COL27A1: variants seen among roughly 807,000 people sequenced by gnomAD.
COL27A1 encodes collagen type XXVII alpha 1 chain.
A neutral mutation model predicts 251.3 loss-of-function variants in COL27A1; 106 were observed. That is an observed-to-expected ratio of 0.42 (90% CI 0.36 to 0.50). The LOEUF (loss-of-function observed/expected upper bound fraction) is 0.50, where lower values mean the gene tolerates loss of function less well. COL27A1 is among the 20% of genes least tolerant of loss of function. The pLI, the probability that COL27A1 is intolerant of heterozygous loss-of-function variation, is 0.00. For synonymous variants in COL27A1, 1,000 were observed against 986.3 expected, an observed-to-expected ratio of 1.01 and a Z score of -0.26; for missense variants, 2,325 against 2,522.8, an observed-to-expected ratio of 0.92 and a Z score of 1.68.
intron 26 of COL27A1, 111 bp downstream of exon 26, chr9:114,252,757 C>A (rs1748863831): frequency 7.1e-7 from 1 of 1,411,756 alleles, no homozygotes; most frequent in Non-Finnish European, 1.0e-6. Flanking sequence ...CCAGCTCCCT[C>A]TTTGTCCAGG....
intron 5 of COL27A1, 130 bp downstream of exon 5, chr9:114,183,205 C>T: frequency 2.3e-6 from 2 of 853,912 alleles, no homozygotes; most frequent in Non-Finnish European, 3.8e-6. Context: ...AAGCCAGGGG[C>T]ACCCTCTGGG....
intron 27 of COL27A1, among the ~76,000 whole-genome samples, chr9:114,254,747 C>G (rs1833811032): frequency 6.6e-6 from 1 of 152,220 alleles, no homozygotes; most frequent in African/African-American, 2.4e-5. Flanking sequence ...AAGGCCAACT[C>G]AGCTCCTACA....
intron 15 of COL27A1, among the ~76,000 whole-genome samples, chr9:114,231,526 G>A (rs1353154289): frequency 6.6e-6 from 1 of 152,120 alleles, no homozygotes; most frequent in African/African-American, 2.4e-5. Context: ...ACATCCCAGG[G>A]GCGACCAAAT....
intron 22 of COL27A1, among the ~76,000 whole-genome samples, chr9:114,243,135 C>T (rs1039881328): frequency 3.3e-5 from 5 of 152,306 alleles, no homozygotes; most frequent in African/African-American, 9.6e-5. Flanking sequence ...AAAGGGCCTC[C>T]GGGACCCCTG....
chr9:114,263,428 C>G (rs1459085426), intron 28 of COL27A1, among the ~76,000 whole-genome samples: 1 of 152,084 alleles, frequency 6.6e-6, no homozygotes, highest in African/African-American at 2.4e-5. Context: ...CCTGTCCTCC[C>G]AACACAGACT....
chr9:114,265,521 C>T, intron 32 of COL27A1, 46 bp downstream of exon 32: 3 of 1,589,754 alleles, frequency 1.9e-6, no homozygotes, highest in East Asian at 2.2e-5. Context: ...CCGCTGGCAC[C>T]TGGGGGTGTG....
chr9:114,157,491 C>T (rs1848201738), intron 1 of COL27A1, among the ~76,000 whole-genome samples: 1 of 152,250 alleles, frequency 6.6e-6, no homozygotes, highest in Non-Finnish European at 1.5e-5. Context: ...AACATTCTCC[C>T]TCTCCTGTGC....
At chr9:114,171,125 C>T (rs997429056) in intron 3 of COL27A1, among the ~76,000 whole-genome samples, 5 of 152,158 alleles carry the variant, frequency 3.3e-5, no homozygotes, top group African/African-American at 9.7e-5. Context: ...CAGCAGGAAG[C>T]GAGGCCTCCT....
intron 5 of COL27A1, among the ~76,000 whole-genome samples, chr9:114,184,015 T>A (rs1023978765): frequency 1.3e-5 from 2 of 151,942 alleles, no homozygotes; most frequent in Non-Finnish European, 2.9e-5. Context: ...AACATTTAGG[T>A]CATGGGAAAA....
chr9:114,240,138 G>T, intron 19 of COL27A1, 82 bp from the exon 20 acceptor site: 2 of 1,261,482 alleles, frequency 1.6e-6, no homozygotes, highest in South Asian at 2.4e-5. Context: ...ATGGAAACCC[G>T]GTCAGTCTCC....
At chr9:114,262,677 C>T (rs1158979230) in intron 28 of COL27A1, among the ~76,000 whole-genome samples, 1 of 152,212 alleles carries the variant, frequency 6.6e-6, no homozygotes, top group Non-Finnish European at 1.5e-5. Flanking sequence ...TCACTTGTCC[C>T]CAGACACATT....
chr9:114,243,306 C>G (rs1290623147), intron 22 of COL27A1, among the ~76,000 whole-genome samples: 1 of 152,186 alleles, frequency 6.6e-6, no homozygotes, highest in Non-Finnish European at 1.5e-5. Context: ...GGGAGGCTTC[C>G]CTGAGTTCAC....
rs995410368 is a variant in COL27A1 at position 114,300,403 on chromosome 9, A to G, written c.4639-222A>G. On this transcript the variant is annotated intron_variant, in intron 50 of 60. Coordinates refer to ENST00000356083, the MANE Select transcript of COL27A1 (RefSeq NM_032888.4). ...AGCAATGACAGTAGAAGACTGTTGC[A>G]AAAATAAAGACCAGGGGCATATGCC... 4 of 577,430 alleles carry G rather than the reference A, an allele frequency of 6.9e-6. No individual in the cohort carries two copies. In the African/African-American group the frequency reaches 7.5e-5, roughly 11 times the overall value. 35.8% of individuals were successfully genotyped at this position (577,430 alleles called of 1,614,324 possible).
chr9:114,180,650 G>A (rs997818669), intron 4 of COL27A1, among the ~76,000 whole-genome samples: 6 of 152,168 alleles, frequency 3.9e-5, no homozygotes, highest in Admixed American at 1.3e-4. Flanking sequence ...ACCTGAGGTC[G>A]CCCAAAGCTC....
chr9:114,303,036 A>G (rs1828773109), intron 56 of COL27A1, among the ~76,000 whole-genome samples: 1 of 152,138 alleles, frequency 6.6e-6, no homozygotes, highest in Non-Finnish European at 1.5e-5. Flanking sequence ...TCAAAGACAG[A>G]GTGACAGCCC....
chr9:114,274,265 C>T (rs1835341488), intron 36 of COL27A1: 1 of 151,780 alleles, frequency 6.6e-6, no homozygotes, highest in Non-Finnish European at 1.5e-5. Flanking sequence ...CCAAGGGTTG[C>T]CTTTCCAAGG....
intron 1 of COL27A1, among the ~76,000 whole-genome samples, chr9:114,159,955 AC>A (rs1307630338): frequency 1.3e-5 from 2 of 152,136 alleles, no homozygotes; most frequent in African/African-American, 2.4e-5. Flanking sequence ...TCCCCAGGCA[AC>A]CCCAGGGCAG....
At chr9:114,288,094 TCTC>T (rs778747355) in intron 41 of COL27A1, among the ~76,000 whole-genome samples, 1 of 152,012 alleles carries the variant, frequency 6.6e-6, no homozygotes, top group African/African-American at 2.4e-5. Context: ...TCCGCTCTGT[TCTC>T]CTATTCCCCA....
At chr9:114,156,061 ATC>A (rs1443320205) in intron 1 of COL27A1, 49 bp downstream of exon 1, 5 of 1,292,864 alleles carry the variant, frequency 3.9e-6, no homozygotes, top group Non-Finnish European at 4.9e-6. Flanking sequence ...TGCTGCTCCA[ATC>A]TCGGGGAGGG....
Sources: allele counts gnomAD v4.1 joint callset (sites outside exome capture counted in the v4.1 genomes callset), GRCh38; gene constraint gnomAD v4.1.1; transcripts MANE v1.5; gene names NCBI Gene and HGNC (gene_info 2026-07-23, HGNC 2026-07-21).